Variants in CNTNAP2 observed in about 807,000 individuals in gnomAD.
CNTNAP2 encodes contactin associated protein 2.
CNTNAP2 carries 98 observed loss-of-function variants against 155.2 expected under a neutral mutation model. The ratio of observed to expected loss-of-function variants is 0.63; its 90% CI spans 0.54 to 0.75. The LOEUF (loss-of-function observed/expected upper bound fraction) is 0.75, where lower values mean the gene tolerates loss of function less well. CNTNAP2 is among the 30% of genes least tolerant of loss of function. The probability of loss-of-function intolerance (pLI) is 0.00; values close to 1 mark genes in which losing one functional copy is unlikely to be tolerated. For missense variants in CNTNAP2, 1,727 were observed against 1,688.1 expected (o/e 1.02, Z -0.40); for synonymous variants, 651 against 631.2 (o/e 1.03, Z -0.47).
At chr7:147,626,351 G>A (rs1794976022) in intron 12 of CNTNAP2, among the ~76,000 whole-genome samples, 2 of 152,080 alleles carry the variant, frequency 1.3e-5, no homozygotes, top group Middle Eastern at 3.4e-3. Flanking sequence ...GGGGGGGTGG[G>A]TTAGGCCTCT....
chr7:146,995,947 C>CA (rs576870437), intron 3 of CNTNAP2, among the ~76,000 whole-genome samples: 197 of 151,942 alleles, frequency 1.3e-3, no homozygotes, highest in African/African-American at 4.5e-3. Context: ...CAAAACAAAA[C>CA]AAAACAAAAC....
Position 146,690,336 on chromosome 7 carries a change from T to C in CNTNAP2, c.98-83935T>C, listed in dbSNP as rs375195827. 9.2e-5 allele frequency among the ~76,000 whole-genome samples: 14 copies of C among 152,244 alleles called. No homozygotes were observed. The East Asian group carries it at 2.1e-3, about 23-fold the overall frequency. On this transcript the variant is annotated intron_variant, in intron 1 of 23. Coordinates refer to ENST00000361727, the MANE Select transcript of CNTNAP2 (RefSeq NM_014141.6). ...ACACTTCTTTCAAAGTCTCCAGTGA[T>C]TGGTCACTGCACATGTATAATTTGT...
intron 18 of CNTNAP2, among the ~76,000 whole-genome samples, chr7:148,178,580 T>C (rs1283927443): frequency 6.6e-6 from 1 of 152,238 alleles, no homozygotes. Context: ...TTATAGCAAA[T>C]TCAAGTCTCA....
intron 15 of CNTNAP2, among the ~76,000 whole-genome samples, chr7:148,067,696 T>G (rs528860168): frequency 6.6e-6 from 1 of 152,192 alleles, no homozygotes; most frequent in Admixed American, 6.5e-5. Flanking sequence ...AGGTGATGGG[T>G]TGGACCATAG....
intron 18 of CNTNAP2, among the ~76,000 whole-genome samples, chr7:148,207,225 T>C (rs1194104383): frequency 6.6e-6 from 1 of 152,228 alleles, no homozygotes; most frequent in Non-Finnish European, 1.5e-5. Flanking sequence ...ACTCTTACAG[T>C]GCAGGCGGCA....
intron 22 of CNTNAP2, 139 bp downstream of exon 22, chr7:148,384,027 G>A (rs1799134595): frequency 1.6e-6 from 2 of 1,235,974 alleles, no homozygotes; most frequent in African/African-American, 3.0e-5. Context: ...AACGTTGTGA[G>A]TACGGAGTTC....
chr7:147,835,271 G>A (rs1798616074), intron 13 of CNTNAP2, among the ~76,000 whole-genome samples: 1 of 152,248 alleles, frequency 6.6e-6, no homozygotes, highest in South Asian at 2.1e-4. Context: ...TCAAGAAAAA[G>A]TGAGCAGAGC....
rs547187189 is a variant in CNTNAP2 at position 146,966,528 on chromosome 7, G to A, written c.403-77379G>A. On this transcript the variant is annotated intron_variant, in intron 3 of 23. Coordinates refer to ENST00000361727, the MANE Select transcript of CNTNAP2 (RefSeq NM_014141.6). The stretch of plus-strand genomic sequence containing the variant: ...ATCTGCAATCTGGCCTCCATTTAGG[G>A]CTGCTCAATCCACCAGATGAATATT... Among the ~76,000 whole-genome samples, 5 of 152,298 alleles carry A rather than the reference G, an allele frequency of 3.3e-5. No individual in the cohort carries two copies. In the East Asian group the frequency reaches 9.7e-4, roughly 29 times the overall value.
intron 13 of CNTNAP2, among the ~76,000 whole-genome samples, chr7:147,821,741 C>T (rs549423120): frequency 6.6e-5 from 10 of 151,954 alleles, no homozygotes; most frequent in African/African-American, 9.6e-5. Context: ...TGGAAGAGCA[C>T]GGTGAATGTG....
At chr7:147,878,328 C>G (rs537839960) in intron 13 of CNTNAP2, among the ~76,000 whole-genome samples, 90 of 152,094 alleles carry the variant, frequency 5.9e-4, no homozygotes, top group African/African-American at 2.0e-3. Flanking sequence ...AGGACAATGT[C>G]AAATTAATTC....
At chr7:146,999,743 G>T (rs972738703) in intron 3 of CNTNAP2, among the ~76,000 whole-genome samples, 1 of 151,974 alleles carries the variant, frequency 6.6e-6, no homozygotes, top group Non-Finnish European at 1.5e-5. Context: ...TCAGATGTCT[G>T]CTATTGGCTT....
intron 1 of CNTNAP2, among the ~76,000 whole-genome samples, chr7:146,691,792 A>G (rs1800701332): frequency 6.6e-6 from 1 of 152,100 alleles, no homozygotes; most frequent in African/African-American, 2.4e-5. Flanking sequence ...ATGTCTTGCA[A>G]TGGTCAAGTT....
At chr7:146,982,268 C>G (rs1798031963) in intron 3 of CNTNAP2, among the ~76,000 whole-genome samples, 1 of 151,950 alleles carries the variant, frequency 6.6e-6, no homozygotes, top group Non-Finnish European at 1.5e-5. Context: ...ATTCTACATA[C>G]TCATTTAGGG....
chr7:147,273,520 C>G (rs944253386), intron 8 of CNTNAP2, among the ~76,000 whole-genome samples: 1 of 151,800 alleles, frequency 6.6e-6, no homozygotes, highest in Non-Finnish European at 1.5e-5. Context: ...TGACCCACCC[C>G]ACTTTGGAGT....
chr7:147,512,873 G>A (rs543663113), intron 11 of CNTNAP2, among the ~76,000 whole-genome samples: 1 of 152,164 alleles, frequency 6.6e-6, no homozygotes, highest in South Asian at 2.1e-4. Context: ...TAGTTGTATG[G>A]TAAAATAAAT....
intron 3 of CNTNAP2, among the ~76,000 whole-genome samples, chr7:146,916,237 T>C (rs1796392010): frequency 1.3e-5 from 2 of 152,138 alleles, no homozygotes; most frequent in Admixed American, 6.6e-5. Flanking sequence ...TTATCGAGAA[T>C]TTTTTGCATC....
chr7:148,365,819 T>C (rs766095307), intron 21 of CNTNAP2, among the ~76,000 whole-genome samples: 1 of 113,246 alleles, frequency 8.8e-6, no homozygotes. Flanking sequence ...CATGTATACA[T>C]GCATGTGTAT....
intron 1 of CNTNAP2, among the ~76,000 whole-genome samples, chr7:146,735,427 G>C (rs1014369501): frequency 6.6e-6 from 1 of 151,806 alleles, no homozygotes; most frequent in Non-Finnish European, 1.5e-5. Flanking sequence ...TTGTGGCGGG[G>C]GCCTGTAGTC....
chr7:146,667,569 G>A (rs1318031331), intron 1 of CNTNAP2, among the ~76,000 whole-genome samples: 2 of 151,926 alleles, frequency 1.3e-5, no homozygotes, highest in East Asian at 3.9e-4. Flanking sequence ...CGATAGTATG[G>A]CCATTTTAAC....
Sources: allele counts gnomAD v4.1 joint callset (sites outside exome capture counted in the v4.1 genomes callset), GRCh38; gene constraint gnomAD v4.1.1; transcripts MANE v1.5; gene names NCBI Gene and HGNC (gene_info 2026-07-23, HGNC 2026-07-21).